Variants in ZNF800 observed in about 807,000 individuals in gnomAD.
ZNF800 encodes zinc finger protein 800.
In ZNF800, 13 loss-of-function variants were observed where a neutral mutation model predicts 59.5. The observed-to-expected ratio is 0.22, with a 90% confidence interval of 0.14 to 0.35. ZNF800 has a LOEUF of 0.35. ZNF800 is among the 10% of genes least tolerant of loss of function. ZNF800 has a pLI of 1.00. For missense variants in ZNF800, 621 were observed against 783.7 expected, an observed-to-expected ratio of 0.79 and a Z score of 2.48; for synonymous variants, 266 against 265.7, an observed-to-expected ratio of 1.00 and a Z score of -0.01.
chr7:127,372,756 C>A (rs1212934047), intron 5 of ZNF800: 1 of 985,146 alleles, frequency 1.0e-6, no homozygotes, highest in African/African-American at 1.7e-5. Context: ...TCCCCCTTTG[C>A]CTGGAAGCAC....
intron 2 of ZNF800, among the ~76,000 whole-genome samples, chr7:127,387,264 A>G (rs1484543211): frequency 6.6e-6 from 1 of 152,202 alleles, no homozygotes; most frequent in Admixed American, 6.5e-5. Context: ...CATTTTAATT[A>G]TCTCTTTTTT....
intron 2 of ZNF800, among the ~76,000 whole-genome samples, chr7:127,390,443 A>G (rs1562912694): frequency 6.6e-6 from 1 of 152,198 alleles, no homozygotes; most frequent in African/African-American, 2.4e-5. Context: ...CAGTAGAGAT[A>G]GGGTTGTAGT....
chr7:127,352,116 A>C (rs1352741894), intron 1 of ZNF800, among the ~76,000 whole-genome samples: 1 of 152,250 alleles, frequency 6.6e-6, no homozygotes, highest in African/African-American at 2.4e-5. Context: ...AAATTGAAGA[A>C]TTAAATGAAA....
chr7:127,345,367 A>C (rs1399211377), downstream of ZNF800, among the ~76,000 whole-genome samples: 1 of 151,460 alleles, frequency 6.6e-6, no homozygotes, highest in Non-Finnish European at 1.5e-5. Context: ...GTGATGAAGG[A>C]AACAAAGGAC....
At chr7:127,381,496 A>G (rs1800976200) in intron 3 of ZNF800, among the ~76,000 whole-genome samples, 2 of 152,128 alleles carry the variant, frequency 1.3e-5, no homozygotes, top group South Asian at 4.1e-4. Flanking sequence ...ACTTAAGTAG[A>G]ATACAATTAT....
chr7:127,343,339 T>C (rs1800001671), downstream of ZNF800, among the ~76,000 whole-genome samples: 1 of 151,510 alleles, frequency 6.6e-6, no homozygotes, highest in Admixed American at 6.6e-5. Context: ...AAAAAGTAAC[T>C]AAAAAGACCA....
chr7:127,360,853 A>G (rs1346747733), intron 1 of ZNF800: 1 of 152,162 alleles, frequency 6.6e-6, no homozygotes, highest in Admixed American at 6.5e-5. Flanking sequence ...GAATAAAGAC[A>G]TAAGTTAGTG....
At chr7:127,390,156 T>G (rs548200132) in intron 2 of ZNF800, among the ~76,000 whole-genome samples, 1 of 152,064 alleles carries the variant, frequency 6.6e-6, no homozygotes, top group Non-Finnish European at 1.5e-5. Flanking sequence ...TCAACTTCAA[T>G]GATTAAAAGT....
intron 2 of ZNF800, among the ~76,000 whole-genome samples, chr7:127,388,313 C>A (rs552928319): frequency 6.6e-6 from 1 of 152,268 alleles, no homozygotes; most frequent in Middle Eastern, 3.4e-3. Flanking sequence ...GAGAATTAAA[C>A]CTCTTACGAA....
chr7:127,377,175 AT>A lies in ZNF800; in HGVS notation c.301+10del. On this transcript the variant is annotated intron_variant, in intron 4 of 5. Transcript: ENST00000265827. This position sits in a 1 kb window ranked among gnomAD's most constrained non-coding sequence, Gnocchi z 4.7. ...GTAAAATGCATAACTGAGTATATGAATAAAACTTACTGTCATCCATCTGGAG... is the reference window on the plus strand; with the variant it reads ...GTAAAATGCATAACTGAGTATATGAAAAAACTTACTGTCATCCATCTGGAG... The A allele has an allele frequency of 1.9e-6, 3 of 1,606,078 alleles. No homozygotes were observed. Among genetic ancestry groups the A allele is most frequent in the Non-Finnish European group, 2.5e-6 (3 of 1,176,710 alleles).
rs909042653 is a variant in ZNF800, at chr7:127,389,017, T to A, written c.61+2480A>T. On this transcript the variant is annotated intron_variant, in intron 2 of 5. Coordinates refer to ENST00000265827, the MANE Select transcript of ZNF800 (RefSeq NM_176814.5). ...CCAAAAAACCCAAATCCTCAGAACA[T>A]CTTTCCTTACACCCTTCCAAAAACA... is the stretch of plus-strand genomic sequence containing the variant. 2.6e-5 allele frequency among the ~76,000 whole-genome samples: 4 copies of A among 152,222 alleles called. No homozygotes were observed. The East Asian group carries it at 5.8e-4, about 22-fold the overall frequency.
Position 127,392,070 on chromosome 7 carries a change from G to T in ZNF800, c.-69C>A. 2.6e-6 allele frequency: 1 copy of T among 390,888 alleles called. No homozygotes were observed. The highest frequency in any genetic ancestry group is 1.3e-4 in the South Asian group (1 of 7,690). The allele number at this position is 390,888 out of a possible 1,614,324, so 24.2% of individuals were successfully genotyped here. On this transcript the variant is annotated 5_prime_UTR_variant, in exon 1 of 6. Coordinates refer to ENST00000265827, the MANE Select transcript of ZNF800 (RefSeq NM_176814.5). ...GTGCGCCCAACTTACTCAACTCTTAGGGCGGGCCGGCGGGCGGGCGGAAGG... is the reference window on the plus strand; with the variant it reads ...GTGCGCCCAACTTACTCAACTCTTATGGCGGGCCGGCGGGCGGGCGGAAGG...
chr7:127,367,219 G>C (rs186554427), downstream of ZNF800, among the ~76,000 whole-genome samples: 1 of 151,976 alleles, frequency 6.6e-6, no homozygotes, highest in African/African-American at 2.4e-5. Flanking sequence ...ATCCTATAAG[G>C]CCTGATCACT....
chr7:127,388,238 T>C (rs1801199681), intron 2 of ZNF800, among the ~76,000 whole-genome samples: 1 of 152,226 alleles, frequency 6.6e-6, no homozygotes. Context: ...ATCATCAACA[T>C]GTACCCATCA....
chr7:127,354,826 G>A (rs937920797), intron 1 of ZNF800, among the ~76,000 whole-genome samples: 3 of 152,006 alleles, frequency 2.0e-5, no homozygotes, highest in Non-Finnish European at 4.4e-5. Context: ...TAAATCTCTA[G>A]ATTCTCCATG....
At chr7:127,372,919 A>G in intron 5 of ZNF800, 1 of 984,642 alleles carries the variant, frequency 1.0e-6, no homozygotes, top group South Asian at 4.7e-5. Flanking sequence ...TCGCCTTCAC[A>G]AGTTCATTCT....
intron 1 of ZNF800, among the ~76,000 whole-genome samples, chr7:127,353,495 T>G (rs2117025512): frequency 6.6e-6 from 1 of 152,222 alleles, no homozygotes; most frequent in African/African-American, 2.4e-5. Flanking sequence ...TTAACTATGA[T>G]GATGGTGTTA....
chr7:127,358,183 T>G (rs1363826668), intron 1 of ZNF800, among the ~76,000 whole-genome samples: 1 of 151,968 alleles, frequency 6.6e-6, no homozygotes, highest in African/African-American at 2.4e-5. Context: ...CATTTCCCCC[T>G]GGAAAAGTGT....
rs1349578137 is a variant in ZNF800 at position 127,373,591 on chromosome 7, G to T, written c.1745C>A (p.Ala582Glu). 6.2e-7 allele frequency: 1 copy of T among 1,614,046 alleles called. No individual in the cohort carries two copies. Among genetic ancestry groups the T allele is most frequent in the Admixed American group, 1.7e-5 (1 of 59,996 alleles). Residue 582 changes from alanine to glutamate, a missense_variant, in exon 5 of 6, where the codon GCA becomes GAA. Coordinates refer to ENST00000265827, the MANE Select transcript of ZNF800 (RefSeq NM_176814.5). ...VAKRGPSRDE[A>E]KHSDSKHDGT... ...ATCATGTTTTGAATCACTATGTTTTGCTTCATCCCTCGAAGGGCCTCTTTT... is the reference window on the plus strand; with the variant it reads ...ATCATGTTTTGAATCACTATGTTTTTCTTCATCCCTCGAAGGGCCTCTTTT...
Sources: gnomAD v4.1 joint callset for allele counts (sites outside exome capture counted in the v4.1 genomes callset) on GRCh38, gnomAD v4.1.1 for gene constraint, Gnocchi (gnomAD v3.1) non-coding constraint, MANE v1.5 for transcripts, NCBI Gene and HGNC (gene_info 2026-07-23, HGNC 2026-07-21) for gene names.